The following CNTN1 variants were observed in gnomAD, a reference collection of about 807,000 sequenced individuals.
The protein encoded by CNTN1 is contactin 1, also known as contactin-1.
Under a neutral mutation model 126.4 loss-of-function variants are expected in CNTN1, and 38 were observed. The observed-to-expected ratio is 0.30, with a 90% CI of 0.23 to 0.39. CNTN1 has a LOEUF of 0.39. CNTN1 is among the 10% of genes least tolerant of loss of function. CNTN1 has a pLI of 1.00. For missense variants in CNTN1, 1,009 were observed against 1,248.4 expected, an observed-to-expected ratio of 0.81 and a Z score of 2.89; for synonymous variants, 413 against 422.6, an observed-to-expected ratio of 0.98 and a Z score of 0.28.
chr12:40,972,162 T>C, intron 15 of CNTN1: 1 of 985,434 alleles, frequency 1.0e-6, no homozygotes, highest in African/African-American at 1.7e-5. Context: ...AGCAAGATTT[T>C]AGTAAAGATG....
At chr12:40,746,065 A>T (rs769530905) in intron 1 of CNTN1, among the ~76,000 whole-genome samples, 1 of 152,196 alleles carries the variant, frequency 6.6e-6, no homozygotes, top group Non-Finnish European at 1.5e-5. Flanking sequence ...ACAGTAAAAC[A>T]TATTCAACTT....
intron 1 of CNTN1, among the ~76,000 whole-genome samples, chr12:40,866,682 C>G (rs907977373): frequency 1.4e-4 from 21 of 152,048 alleles, no homozygotes; most frequent in Admixed American, 1.0e-3. Flanking sequence ...ATGTATAATC[C>G]TTTTTACCTA....
chr12:40,702,853 T>C (rs1409598479), intron 1 of CNTN1, among the ~76,000 whole-genome samples: 1 of 152,210 alleles, frequency 6.6e-6, no homozygotes, highest in Non-Finnish European at 1.5e-5. Context: ...AGTAACCCTT[T>C]GCATAAAACA....
At chr12:40,775,110 T>C (rs1448882366) in intron 1 of CNTN1, among the ~76,000 whole-genome samples, 2 of 151,358 alleles carry the variant, frequency 1.3e-5, no homozygotes, top group African/African-American at 4.8e-5. Context: ...TATCTTACTA[T>C]ATTTTTGTAC....
intron 9 of CNTN1, 96 bp from the exon 10 acceptor site, chr12:40,936,685 C>T (rs778253444): frequency 1.4e-6 from 2 of 1,477,422 alleles, no homozygotes; most frequent in Admixed American, 3.4e-5. Flanking sequence ...ATGTATTCTG[C>T]AGAATTAGGT....
chr12:40,733,961 C>G (rs74078570), intron 1 of CNTN1, among the ~76,000 whole-genome samples: 16,942 of 152,010 alleles, frequency 0.11, 1,026 homozygotes, highest in Non-Finnish European at 0.13. Flanking sequence ...TCACCAGGGT[C>G]TCTGTTCCTG....
At chr12:41,012,280 C>G (rs946296993) in intron 17 of CNTN1, among the ~76,000 whole-genome samples, 2 of 152,192 alleles carry the variant, frequency 1.3e-5, no homozygotes, top group Non-Finnish European at 2.9e-5. Flanking sequence ...CCCTCTGTTT[C>G]TAGAACATCA....
chr12:40,975,289 G>A (rs1180481993), intron 15 of CNTN1, among the ~76,000 whole-genome samples: 1 of 149,732 alleles, frequency 6.7e-6, no homozygotes, highest in African/African-American at 2.5e-5. Flanking sequence ...TTATTTGTCT[G>A]TAGTGCATGA....
intron 15 of CNTN1, among the ~76,000 whole-genome samples, chr12:40,959,823 G>C (rs1339144444): frequency 6.6e-6 from 1 of 152,010 alleles, no homozygotes; most frequent in African/African-American, 2.4e-5. Flanking sequence ...TGGGAACACA[G>C]CACACCTTGT....
intron 1 of CNTN1, among the ~76,000 whole-genome samples, chr12:40,742,947 G>T (rs1938010500): frequency 6.6e-6 from 1 of 152,030 alleles, no homozygotes; most frequent in African/African-American, 2.4e-5. Flanking sequence ...AAGCAAGATG[G>T]AATAGCCAGT....
intron 1 of CNTN1, among the ~76,000 whole-genome samples, chr12:40,833,288 G>A (rs1432564590): frequency 1.3e-5 from 2 of 152,062 alleles, no homozygotes; most frequent in Non-Finnish European, 2.9e-5. Context: ...TAGAGACAGG[G>A]TTTCACCATG....
intron 17 of CNTN1, among the ~76,000 whole-genome samples, chr12:40,999,751 G>A (rs966019254): frequency 7.1e-6 from 1 of 141,036 alleles, no homozygotes; most frequent in Non-Finnish European, 1.5e-5. Flanking sequence ...CGCCCAGGCT[G>A]GAGTGCAGTG....
intron 1 of CNTN1, among the ~76,000 whole-genome samples, chr12:40,888,723 C>A (rs1944141240): frequency 6.6e-6 from 1 of 152,206 alleles, no homozygotes; most frequent in Non-Finnish European, 1.5e-5. Flanking sequence ...GGAAAGACAG[C>A]AAGGTGTTTA....
intron 1 of CNTN1, among the ~76,000 whole-genome samples, chr12:40,905,722 CT>C (rs1441606208): frequency 1.4e-4 from 21 of 152,146 alleles, no homozygotes; most frequent in African/African-American, 5.1e-4. Context: ...TATGTGTTTG[CT>C]TTTTCTAACT....
At chr12:40,739,029 AC>A (rs1368067329) in intron 1 of CNTN1, among the ~76,000 whole-genome samples, 1 of 152,028 alleles carries the variant, frequency 6.6e-6, no homozygotes. Context: ...TCATACCAGT[AC>A]CCAGGCTGCA....
intron 23 of CNTN1, among the ~76,000 whole-genome samples, chr12:41,035,527 A>T (rs901822811): frequency 6.6e-6 from 1 of 152,206 alleles, no homozygotes; most frequent in Non-Finnish European, 1.5e-5. Context: ...TCTAATGGAT[A>T]TCAGAAGAAT....
At chr12:40,737,367 A>ATATT in intron 1 of CNTN1, among the ~76,000 whole-genome samples, 1 of 142,584 alleles carries the variant, frequency 7.0e-6, no homozygotes, top group Non-Finnish European at 1.5e-5. Context: ...GTGTATATAT[A>ATATT]TATATATATA....
chr12:41,067,299 C>T (rs10879622), intron 23 of CNTN1, among the ~76,000 whole-genome samples: 1 of 151,814 alleles, frequency 6.6e-6, no homozygotes, highest in Non-Finnish European at 1.5e-5. Context: ...GGTTTTCATA[C>T]TAGTACCAAA....
At chr12:41,032,629 G>T (rs1467670725) in intron 23 of CNTN1, among the ~76,000 whole-genome samples, 1 of 152,130 alleles carries the variant, frequency 6.6e-6, no homozygotes, top group East Asian at 1.9e-4. Flanking sequence ...CATCATTCTT[G>T]TTTCTGTTCT....
Sources: gnomAD v4.1 joint callset for allele counts (sites outside exome capture counted in the v4.1 genomes callset) on GRCh38, gnomAD v4.1.1 for gene constraint, MANE v1.5 for transcripts, NCBI Gene and HGNC (gene_info 2026-07-23, HGNC 2026-07-21) for gene names.